The following ADAMTSL1 variants were observed in gnomAD, a reference collection of about 807,000 sequenced individuals.
ADAMTSL1 encodes the protein ADAMTS-like protein 1.
In ADAMTSL1, 126 loss-of-function variants were observed where a neutral mutation model predicts 201.8. That is an observed-to-expected ratio of 0.62 (90% CI 0.54 to 0.72). The LOEUF is 0.72. Among genes scored for constraint, ADAMTSL1 ranks in the 30% least tolerant of loss-of-function variants. ADAMTSL1 has a pLI of 0.00. For missense variants in ADAMTSL1, 2,679 were observed against 2,277.8 expected (o/e 1.18, Z -3.59); for synonymous variants, 1,121 against 903.4 (o/e 1.24, Z -4.32).
At chr9:18,811,899 A>C (rs747803768) in intron 20 of ADAMTSL1, among the ~76,000 whole-genome samples, 2 of 152,222 alleles carry the variant, frequency 1.3e-5, no homozygotes, top group Non-Finnish European at 2.9e-5. Flanking sequence ...AACAAAATAT[A>C]ACAGGACTTG....
At chr9:18,160,173 G>A (rs375049446) in intron 1 of ADAMTSL1, among the ~76,000 whole-genome samples, 3 of 151,962 alleles carry the variant, frequency 2.0e-5, no homozygotes, top group Non-Finnish European at 4.4e-5. Flanking sequence ...GCTTTGGTGT[G>A]CCATGAATCA....
chr9:18,393,146 C>T (rs949795090), intron 2 of ADAMTSL1, among the ~76,000 whole-genome samples: 3 of 152,144 alleles, frequency 2.0e-5, no homozygotes, highest in African/African-American at 4.8e-5. Context: ...AATTAAGGAA[C>T]CTCTAAATTT....
intron 6 of ADAMTSL1, among the ~76,000 whole-genome samples, chr9:18,636,821 C>T (rs899188668): frequency 6.6e-6 from 1 of 152,170 alleles, no homozygotes; most frequent in South Asian, 2.1e-4. Flanking sequence ...AAAGGCTTCA[C>T]TTCAGTTGGT....
intron 1 of ADAMTSL1, among the ~76,000 whole-genome samples, chr9:18,085,482 CAT>C (rs371256393): frequency 0.046 from 2,071 of 45,058 alleles, 22 homozygotes; most frequent in Non-Finnish European, 0.058. Context: ...TATGTGTGTG[CAT>C]ATATATATAT....
chr9:18,700,663 G>T (rs1312795081), intron 13 of ADAMTSL1, among the ~76,000 whole-genome samples: 1 of 151,922 alleles, frequency 6.6e-6, no homozygotes, highest in Non-Finnish European at 1.5e-5. Context: ...GAGGCAATAT[G>T]GAATTACATA....
intron 23 of ADAMTSL1, among the ~76,000 whole-genome samples, chr9:18,881,032 C>G (rs1583348): frequency 0.55 from 83,695 of 152,014 alleles, 23,393 homozygotes; most frequent in African/African-American, 0.62. Context: ...TTCCTCACGT[C>G]TCTCAGCCTT....
chr9:18,287,003 G>T (rs1234209140), intron 2 of ADAMTSL1, among the ~76,000 whole-genome samples: 1 of 152,042 alleles, frequency 6.6e-6, no homozygotes, highest in Non-Finnish European at 1.5e-5. Flanking sequence ...TAGGCCAAGG[G>T]TAACAAATAA....
At chr9:18,676,201 C>T (rs1830120172) in intron 10 of ADAMTSL1, among the ~76,000 whole-genome samples, 1 of 151,994 alleles carries the variant, frequency 6.6e-6, no homozygotes, top group Non-Finnish European at 1.5e-5. Context: ...CTTTCTTTCC[C>T]TCCCTTTGTT....
intron 1 of ADAMTSL1, among the ~76,000 whole-genome samples, chr9:18,124,453 G>A (rs1392902884): frequency 6.6e-6 from 1 of 152,042 alleles, no homozygotes; most frequent in Non-Finnish European, 1.5e-5. Flanking sequence ...TTGTTATACT[G>A]TGTTACTTTT....
chr9:18,668,560 G>A (rs1163659068), intron 9 of ADAMTSL1, among the ~76,000 whole-genome samples: 6 of 151,980 alleles, frequency 3.9e-5, no homozygotes, highest in Admixed American at 2.6e-4. Context: ...TTTAACTTCC[G>A]TCTGTCAGTT....
At chr9:18,556,349 A>G (rs1351393330) in intron 3 of ADAMTSL1, among the ~76,000 whole-genome samples, 1 of 152,058 alleles carries the variant, frequency 6.6e-6, no homozygotes, top group Non-Finnish European at 1.5e-5. Context: ...AAGTGTCTCT[A>G]TGTTTTTGAA....
At chr9:18,492,281 G>GA (rs1822306493) in intron 1 of ADAMTSL1, among the ~76,000 whole-genome samples, 1 of 152,068 alleles carries the variant, frequency 6.6e-6, no homozygotes, top group Admixed American at 6.6e-5. Flanking sequence ...TATAGAAACT[G>GA]AAAAACATCA....
chr9:18,797,437 C>G (rs1379786152), intron 20 of ADAMTSL1, among the ~76,000 whole-genome samples: 1 of 152,176 alleles, frequency 6.6e-6, no homozygotes, highest in Admixed American at 6.5e-5. Context: ...GAACCTACAG[C>G]AATAAATAAA....
chr9:18,569,719 T>C (rs573948853), intron 3 of ADAMTSL1, among the ~76,000 whole-genome samples: 2 of 152,322 alleles, frequency 1.3e-5, no homozygotes, highest in South Asian at 4.1e-4. Context: ...ACTATTTTAA[T>C]TGTCTCCATC....
At chr9:18,623,159 G>A (rs1366030889) in intron 5 of ADAMTSL1, among the ~76,000 whole-genome samples, 2 of 151,974 alleles carry the variant, frequency 1.3e-5, no homozygotes, top group Admixed American at 6.6e-5. Flanking sequence ...GCCCCCCAAA[G>A]TGAGGGATTA....
At chr9:18,844,985 G>A (rs550789752) in intron 23 of ADAMTSL1, among the ~76,000 whole-genome samples, 39 of 152,238 alleles carry the variant, frequency 2.6e-4, no homozygotes, top group African/African-American at 5.1e-4. Flanking sequence ...GACCCCTTGC[G>A]CTTCCCGAGT....
At chr9:18,596,064 C>T (rs1278425763) in intron 4 of ADAMTSL1, among the ~76,000 whole-genome samples, 1 of 152,096 alleles carries the variant, frequency 6.6e-6, no homozygotes, top group African/African-American at 2.4e-5. Context: ...GACATCATCC[C>T]CACAGAAGAC....
intron 4 of ADAMTSL1, among the ~76,000 whole-genome samples, chr9:18,588,884 CAT>C (rs754566534): frequency 5.7e-4 from 70 of 122,786 alleles, no homozygotes; most frequent in South Asian, 1.6e-3. Context: ...TATACATATA[CAT>C]ATATATATAT....
chr9:18,850,227 A>C (rs2039005), intron 23 of ADAMTSL1, among the ~76,000 whole-genome samples: 21,547 of 152,160 alleles, frequency 0.14, 1,666 homozygotes, highest in East Asian at 0.28. Context: ...TCCCAGGCCC[A>C]TGTGCCCTCC....
Sources: allele counts gnomAD v4.1 joint callset (sites outside exome capture counted in the v4.1 genomes callset), GRCh38; gene constraint gnomAD v4.1.1; transcripts MANE v1.5; gene names NCBI Gene and HGNC (gene_info 2026-07-23, HGNC 2026-07-21).